Variants in SCFD2 observed in about 807,000 individuals in gnomAD.
SCFD2 encodes sec1 family domain-containing protein 2.
A neutral mutation model predicts 58.9 loss-of-function variants in SCFD2; 54 were observed. The ratio of observed to expected loss-of-function variants is 0.92; its 90% CI spans 0.74 to 1.15. SCFD2 has a LOEUF of 1.15. Ranked by LOEUF, SCFD2 falls within the 50% of genes most tolerant of loss-of-function variation. SCFD2 has a pLI of 0.00. For synonymous variants in SCFD2, 321 were observed against 335.9 expected, an observed-to-expected ratio of 0.96 and a Z score of 0.49; for missense variants, 805 against 836.6, an observed-to-expected ratio of 0.96 and a Z score of 0.47.
rs1344545700 is a variant in SCFD2 at position 52,873,431 on chromosome 4, A to T, written c.*538T>A. On this transcript the variant is annotated 3_prime_UTR_variant, in exon 9 of 9. Transcript: ENST00000401642. ...ATGCAGGCTACCAGCACTGCCCCAG[A>T]CACTACCCCTCCCTTCCTTGCCTTT... is the stretch of plus-strand genomic sequence containing the variant. The T allele has an allele frequency of 6.5e-6, 1 of 153,612 alleles. No homozygotes were observed. Among genetic ancestry groups the T allele is most frequent in the Non-Finnish European group, 1.4e-5 (1 of 69,116 alleles). The allele number at this position is 153,612 out of a possible 1,614,324, so 9.5% of individuals were successfully genotyped here. A position where few individuals can be genotyped will look rare whatever the true frequency, so the allele number is the denominator to read the frequency against.
At chr4:53,175,450 A>T (rs185491759) in intron 4 of SCFD2, among the ~76,000 whole-genome samples, 2 of 152,220 alleles carry the variant, frequency 1.3e-5, no homozygotes, top group East Asian at 1.9e-4. Flanking sequence ...AAGTAATTCA[A>T]TGAGTTCATA....
chr4:53,053,490 G>A (rs1723241778), intron 5 of SCFD2, among the ~76,000 whole-genome samples: 1 of 152,116 alleles, frequency 6.6e-6, no homozygotes, highest in Non-Finnish European at 1.5e-5. Flanking sequence ...CAGCCTATAG[G>A]ATAAGGTCTA....
intron 5 of SCFD2, among the ~76,000 whole-genome samples, chr4:53,036,254 C>T (rs1323291385): frequency 2.0e-5 from 3 of 151,712 alleles, no homozygotes; most frequent in Non-Finnish European, 4.4e-5. Flanking sequence ...GGTCCCCGCC[C>T]TGTGTCCATG....
chr4:53,065,275 T>A (rs1463862591), intron 5 of SCFD2, among the ~76,000 whole-genome samples: 1 of 151,998 alleles, frequency 6.6e-6, no homozygotes, highest in African/African-American at 2.4e-5. Context: ...ATTTATACCA[T>A]ATATAAATTA....
At chr4:53,097,069 T>G (rs1236747974) in intron 5 of SCFD2, among the ~76,000 whole-genome samples, 2 of 152,214 alleles carry the variant, frequency 1.3e-5, no homozygotes, top group Non-Finnish European at 2.9e-5. Context: ...GTTCCATTGG[T>G]CTATATCTCT....
chr4:53,227,007 T>C (rs1412897590), intron 4 of SCFD2, among the ~76,000 whole-genome samples: 1 of 152,214 alleles, frequency 6.6e-6, no homozygotes, highest in African/African-American at 2.4e-5. Context: ...CTGTTGAGGA[T>C]GTCCTGGACC....
chr4:53,006,651 T>C (rs571958831), intron 5 of SCFD2, among the ~76,000 whole-genome samples: 1 of 152,238 alleles, frequency 6.6e-6, no homozygotes. Flanking sequence ...GTTTTAGGTT[T>C]TGAGGCAAGC....
At chr4:53,118,804 C>T (rs1725393277) in intron 5 of SCFD2, among the ~76,000 whole-genome samples, 1 of 152,044 alleles carries the variant, frequency 6.6e-6, no homozygotes, top group African/African-American at 2.4e-5. Flanking sequence ...AACTGCCACA[C>T]TATATCTATT....
rs1384679676 is a variant in SCFD2, at chr4:53,276,693, CTT to C, written c.1136-2694_1136-2693del. ...ATGTGTTCCCATCATTTAGCTCCCA[CTT>C]ATAAGTGAGAACATGCAGTATTTAG... is the stretch of plus-strand genomic sequence containing the variant. On this transcript the variant is annotated intron_variant, in intron 3 of 8. Coordinates refer to ENST00000401642, the MANE Select transcript of SCFD2 (RefSeq NM_152540.4). Among the ~76,000 whole-genome samples the C allele has an allele frequency of 2.6e-5, 4 of 152,224 alleles. No individual in the cohort carries two copies. The East Asian group carries it at 7.7e-4, about 29-fold the overall frequency.
At position 52,873,748 on chromosome 4, in the gene SCFD2, C is replaced by T. The variant is rs1481782815; in HGVS notation, c.*221G>A. ...TTGGACTCGCCAAAAGACAGACTGT[C>T]GCCTTCAGGAAAATAAAAAAACTTT... On this transcript the variant is annotated 3_prime_UTR_variant, in exon 9 of 9. Transcript: ENST00000401642. 3 of 380,866 alleles carry T rather than the reference C, an allele frequency of 7.9e-6. No homozygotes were observed. Among genetic ancestry groups the T allele is most frequent in the East Asian group, 4.4e-5 (1 of 22,480 alleles). 23.6% of individuals were successfully genotyped at this position (380,866 alleles called of 1,614,324 possible).
chr4:53,263,437 G>T (rs958115190), intron 4 of SCFD2, among the ~76,000 whole-genome samples: 3 of 152,154 alleles, frequency 2.0e-5, no homozygotes, highest in African/African-American at 7.2e-5. Context: ...GTCTCATGGG[G>T]TGCTCCCTTG....
chr4:53,206,567 A>C (rs1728412968), intron 4 of SCFD2, among the ~76,000 whole-genome samples: 1 of 152,156 alleles, frequency 6.6e-6, no homozygotes, highest in Admixed American at 6.5e-5. Flanking sequence ...AAGTTTTTTT[A>C]ATCGTAAAAA....
chr4:53,115,833 G>A (rs1230070125), intron 5 of SCFD2, among the ~76,000 whole-genome samples: 1 of 152,136 alleles, frequency 6.6e-6, no homozygotes, highest in Non-Finnish European at 1.5e-5. Flanking sequence ...ACAATGCGAT[G>A]CCTGCTCCAG....
At chr4:52,879,657 C>T (rs1357822595) in intron 8 of SCFD2, among the ~76,000 whole-genome samples, 1 of 152,202 alleles carries the variant, frequency 6.6e-6, no homozygotes, top group Non-Finnish European at 1.5e-5. Context: ...TGTTCTCAGG[C>T]CTGCCCTGAA....
At chr4:53,088,907 T>C (rs1003106261) in intron 5 of SCFD2, among the ~76,000 whole-genome samples, 28 of 152,170 alleles carry the variant, frequency 1.8e-4, no homozygotes, top group African/African-American at 6.3e-4. Context: ...TGTGCTGGCA[T>C]TAGGAAGTGG....
intron 5 of SCFD2, among the ~76,000 whole-genome samples, chr4:53,043,669 C>T (rs994684150): frequency 1.3e-5 from 2 of 152,018 alleles, no homozygotes; most frequent in Non-Finnish European, 2.9e-5. Context: ...AATATCGTTC[C>T]ACTTTTTATG....
At chr4:53,340,318 G>A (rs1049153403) in intron 2 of SCFD2, among the ~76,000 whole-genome samples, 16 of 152,166 alleles carry the variant, frequency 1.1e-4, no homozygotes, top group African/African-American at 3.1e-4. Flanking sequence ...ATAACATCTC[G>A]CGACTGGCTT....
intron 5 of SCFD2, among the ~76,000 whole-genome samples, chr4:52,984,514 C>A (rs544168076): frequency 6.6e-6 from 1 of 152,288 alleles, no homozygotes; most frequent in Non-Finnish European, 1.5e-5. Flanking sequence ...TAGGACTAGA[C>A]TCATAAAAGA....
chr4:53,145,198 C>G, intron 5 of SCFD2, 135 bp downstream of exon 5: 12 of 1,069,532 alleles, frequency 1.1e-5, no homozygotes, highest in Non-Finnish European at 1.6e-5. Context: ...GGCTGGCTAG[C>G]ATTCATCAGG....
Sources: allele counts gnomAD v4.1 joint callset (sites outside exome capture counted in the v4.1 genomes callset), GRCh38; gene constraint gnomAD v4.1.1; transcripts MANE v1.5; gene names NCBI Gene and HGNC (gene_info 2026-07-23, HGNC 2026-07-21).